Variants in CHD2 observed in about 807,000 individuals in gnomAD.
CHD2 encodes the protein ATP-dependent chromatin remodeler CHD2.
Under a neutral mutation model 243.9 loss-of-function variants are expected in CHD2, and 28 were observed. That is an observed-to-expected ratio of 0.11 (90% CI 0.09 to 0.16). The LOEUF (loss-of-function observed/expected upper bound fraction) is 0.16, where lower values mean the gene tolerates loss of function less well. Among genes scored for constraint, CHD2 ranks in the 10% least tolerant of loss-of-function variants. The pLI, the probability that CHD2 is intolerant of heterozygous loss-of-function variation, is 1.00. For missense variants in CHD2, 1,386 were observed against 2,209.8 expected, an observed-to-expected ratio of 0.63 and a Z score of 7.47; for synonymous variants, 775 against 779.0, an observed-to-expected ratio of 0.99 and a Z score of 0.09.
At chr15:92,949,161 TC>T (rs2053517711) in intron 13 of CHD2, 85 bp downstream of exon 13, 1 of 1,575,490 alleles carries the variant, frequency 6.3e-7, no homozygotes, top group Admixed American at 2.1e-5. Context: ...TTTTCTTTTT[TC>T]ACACCCTTAT....
intron 5 of CHD2, among the ~76,000 whole-genome samples, chr15:92,931,239 A>G (rs538757693): frequency 1.6e-4 from 24 of 152,350 alleles, no homozygotes; most frequent in Non-Finnish European, 3.2e-4. Context: ...TAGAGTTTTT[A>G]AAAAGGGACC....
chr15:92,930,101 C>T (rs934786517), intron 5 of CHD2, among the ~76,000 whole-genome samples: 1 of 152,176 alleles, frequency 6.6e-6, no homozygotes, highest in Admixed American at 6.5e-5. Flanking sequence ...AGCAAACCTG[C>T]ACTTGGCATC....
chr15:92,989,431 A>G (rs1308575435), intron 26 of CHD2, among the ~76,000 whole-genome samples: 1 of 152,104 alleles, frequency 6.6e-6, no homozygotes, highest in Non-Finnish European at 1.5e-5. Context: ...CCTCCCAGCC[A>G]TGTGTTGTGT....
chr15:92,984,790 T>C (rs1335870022), intron 25 of CHD2, among the ~76,000 whole-genome samples: 4 of 152,180 alleles, frequency 2.6e-5, no homozygotes, highest in Non-Finnish European at 5.9e-5. Context: ...GTCCTCACAG[T>C]TTGGCTGTTA....
In CHD2 at chr15:92,998,650, C is replaced by G; in HGVS notation, c.4008+29C>G. 1 of 1,607,058 alleles carries G rather than the reference C, an allele frequency of 6.2e-7. No homozygotes were observed. The highest frequency in any genetic ancestry group is 1.1e-5 in the South Asian group (1 of 90,674). On this transcript the variant is annotated intron_variant, in intron 31 of 38. Coordinates refer to ENST00000394196, the MANE Select transcript of CHD2 (RefSeq NM_001271.4). The surrounding 1 kb of genome is among the most constrained non-coding windows in gnomAD (Gnocchi z 5.1). ...AGTACGCTGCCAGCTGGTTGTTTTT[C>G]AGGGGCCTGAGGCTCCTACCCTGCA...
intron 2 of CHD2, among the ~76,000 whole-genome samples, chr15:92,912,741 G>A (rs577506847): frequency 8.9e-4 from 135 of 152,208 alleles, no homozygotes; most frequent in African/African-American, 2.3e-3. Context: ...TCACTATGTT[G>A]GCCAGGCTGG....
chr15:92,950,609 C>G (rs1488694064), intron 13 of CHD2, among the ~76,000 whole-genome samples: 2 of 152,218 alleles, frequency 1.3e-5, no homozygotes, highest in Middle Eastern at 3.4e-3. Flanking sequence ...CAAAAATTAG[C>G]TGGACATGGT....
At chr15:92,938,570 T>C (rs1191881999) in intron 6 of CHD2, among the ~76,000 whole-genome samples, 2 of 152,190 alleles carry the variant, frequency 1.3e-5, no homozygotes, top group East Asian at 3.8e-4. Context: ...GAATTTTATC[T>C]TATTTTATCT....
At chr15:92,978,996 T>C in intron 21 of CHD2, 139 bp from the exon 22 acceptor site, 1 of 1,086,942 alleles carries the variant, frequency 9.2e-7, no homozygotes, top group Non-Finnish European at 1.3e-6. Context: ...CTTGGATGGC[T>C]TACAGTCTTC....
At chr15:93,004,278 C>T (rs1000426728) in intron 33 of CHD2, among the ~76,000 whole-genome samples, 5 of 152,130 alleles carry the variant, frequency 3.3e-5, no homozygotes, top group African/African-American at 4.8e-5. Context: ...AAGGTTGCTA[C>T]ATGATACTCT....
intron 13 of CHD2, among the ~76,000 whole-genome samples, chr15:92,950,650 G>A (rs947841612): frequency 1.3e-5 from 2 of 152,008 alleles, no homozygotes; most frequent in African/African-American, 2.4e-5. Context: ...GCTACTTGGG[G>A]GCTGAGGTGG....
chr15:92,964,698 A>G (rs372123501), intron 16 of CHD2, among the ~76,000 whole-genome samples: 4 of 152,218 alleles, frequency 2.6e-5, no homozygotes, highest in African/African-American at 9.6e-5. Context: ...TTATCAATCA[A>G]TAGCTTCATT....
Position 92,984,049 on chromosome 15 carries a change from A to AT in CHD2, c.3067-280dup, listed in dbSNP as rs1477561508. ...ATTTATTAGAACATGTATATGATTT[A>AT]TAACAGCTCATTCAATAAAACTTAT... On this transcript the variant is annotated intron_variant, in intron 24 of 38. Coordinates refer to ENST00000394196, the MANE Select transcript of CHD2 (RefSeq NM_001271.4). Among the ~76,000 whole-genome samples the AT allele has an allele frequency of 2.6e-5, 4 of 152,358 alleles. No homozygotes were observed. The East Asian group carries it at 7.7e-4, about 29-fold the overall frequency.
At chr15:92,937,920 C>G (rs966677641) in intron 6 of CHD2, among the ~76,000 whole-genome samples, 1 of 152,160 alleles carries the variant, frequency 6.6e-6, no homozygotes, top group Non-Finnish European at 1.5e-5. Context: ...CACTGTTTGC[C>G]TGGCTTAAAG....
At chr15:92,931,749 C>A (rs2053171010) in intron 5 of CHD2, among the ~76,000 whole-genome samples, 2 of 151,926 alleles carry the variant, frequency 1.3e-5, no homozygotes, top group Non-Finnish European at 2.9e-5. Context: ...AAAATTTTAC[C>A]TTTTATCCCT....
intron 34 of CHD2, among the ~76,000 whole-genome samples, chr15:93,008,751 T>G (rs1383261124): frequency 1.3e-5 from 2 of 152,234 alleles, no homozygotes; most frequent in Non-Finnish European, 2.9e-5. Context: ...CTTTCAAGCC[T>G]GAAGGATTTG....
intron 13 of CHD2, among the ~76,000 whole-genome samples, chr15:92,952,716 A>T (rs1158004272): frequency 6.6e-6 from 1 of 152,174 alleles, no homozygotes; most frequent in East Asian, 1.9e-4. Context: ...TGGGTTCCCG[A>T]GTGGGGAATC....
chr15:92,958,178 CCA>C (rs2053641290), intron 16 of CHD2, among the ~76,000 whole-genome samples: 1 of 152,200 alleles, frequency 6.6e-6, no homozygotes, highest in Admixed American at 6.5e-5. Context: ...TTAGAAACTA[CCA>C]CGCTGTTTTC....
intron 2 of CHD2, among the ~76,000 whole-genome samples, chr15:92,916,749 T>C (rs931250055): frequency 1.3e-5 from 2 of 152,196 alleles, no homozygotes; most frequent in African/African-American, 4.8e-5. Context: ...AGACGGGGTT[T>C]CACCATGTGG....
Sources: gnomAD v4.1 joint callset for allele counts (sites outside exome capture counted in the v4.1 genomes callset) on GRCh38, gnomAD v4.1.1 for gene constraint, Gnocchi (gnomAD v3.1) non-coding constraint, MANE v1.5 for transcripts, NCBI Gene and HGNC (gene_info 2026-07-23, HGNC 2026-07-21) for gene names.